CCDC154: variants seen among roughly 807,000 people sequenced by gnomAD.
The protein encoded by CCDC154 is coiled-coil domain containing 154.
Under a neutral mutation model 87.5 loss-of-function variants are expected in CCDC154, and 91 were observed. The observed-to-expected ratio is 1.04, with a 90% CI of 0.88 to 1.24. CCDC154 has a LOEUF of 1.24. Ranked by LOEUF, CCDC154 falls within the 50% of genes most tolerant of loss-of-function variation. The pLI, the probability that CCDC154 is intolerant of heterozygous loss-of-function variation, is 0.00. For missense variants in CCDC154, 903 were observed against 879.2 expected, an observed-to-expected ratio of 1.03 and a Z score of -0.34; for synonymous variants, 418 against 400.4, an observed-to-expected ratio of 1.04 and a Z score of -0.52.
chr16:1,444,100 C>G, intron 1 of CCDC154, 88 bp from the exon 2 acceptor site: 1 of 1,104,612 alleles, frequency 9.1e-7, no homozygotes, highest in Non-Finnish European at 1.2e-6. Flanking sequence ...CCCGCAGGAC[C>G]CTCGCCCACC....
At chr16:1,440,992 G>A (rs1408119707) in intron 6 of CCDC154, among the ~76,000 whole-genome samples, 4 of 151,182 alleles carry the variant, frequency 2.6e-5, no homozygotes, top group Non-Finnish European at 5.9e-5. Context: ...GGTGGCATGC[G>A]CCCGCAGTCA....
chr16:1,436,435 G>C lies in CCDC154; in HGVS notation c.1487+10C>G. The C allele has an allele frequency of 1.3e-6, 2 of 1,547,046 alleles. No individual in the cohort carries two copies. Among genetic ancestry groups the C allele is most frequent in the South Asian group, 1.2e-5 (1 of 84,048 alleles). On this transcript the variant is annotated intron_variant, in intron 13 of 16. Coordinates refer to ENST00000389176, the MANE Select transcript of CCDC154 (RefSeq NM_001143980.3). The stretch of plus-strand genomic sequence containing the variant: ...GCCCCTGCCCCTCTCCCAGGGCCTG[G>C]AGGCTGTACCTGGCCTTGCCTTCGG...
intron 6 of CCDC154, chr16:1,439,364 G>A (rs1175937391): frequency 7.1e-6 from 4 of 563,062 alleles, no homozygotes; most frequent in Non-Finnish European, 1.3e-5. Context: ...CGCTCAGGTG[G>A]GGTCCAGACA....
intron 6 of CCDC154, among the ~76,000 whole-genome samples, chr16:1,440,323 G>C (rs2038539445): frequency 6.6e-6 from 1 of 151,770 alleles, no homozygotes; most frequent in Admixed American, 6.6e-5. Context: ...GGTGATGCGT[G>C]CCTGTAGTCC....
In CCDC154 at chr16:1,435,168, T is replaced by C; in HGVS notation, c.1613A>G (p.Asn538Ser). The C allele has an allele frequency of 6.4e-7, 1 of 1,550,550 alleles. No individual in the cohort carries two copies. Among genetic ancestry groups the C allele is most frequent in the Admixed American group, 2.0e-5 (1 of 51,010 alleles). The part of the protein sequence containing the change: ...EMQGKLATFQ[N>S]QIMKLENCVQ... ...GCAGTTTTCCAGCTTCATTATTTGG[T>C]TCTGAAACTAAACATGGCCCCCATT... is the stretch of plus-strand genomic sequence containing the variant. Residue 538 changes from asparagine (N) to serine (S), a missense_variant, in exon 15 of 17, where the codon AAC (asparagine) becomes AGC (serine). Physicochemically the swap from Asn to Ser is conservative, Grantham distance 46. Transcript: ENST00000389176.
In CCDC154 at chr16:1,438,145, C is replaced by T. The variant is rs1232236365; in HGVS notation, c.1057G>A (p.Ala353Thr). The change falls in exon 10 of 17, where the codon GCT (alanine) becomes ACT (threonine). Residue 353 changes from alanine (A) to threonine (T), a missense_variant. Transcript: ENST00000389176. ...DAKGRLEESR[A>T]GELAAYVQEN... is the part of the protein sequence containing the mutation. ...TGCACATAGGCGGCCAGCTCCCCAG[C>T]CCGGCTTTCCTCCAAGCGCCCCTTG... 4.5e-6 allele frequency: 7 copies of T among 1,546,678 alleles called. No individual in the cohort carries two copies. The highest frequency in any genetic ancestry group is 1.4e-5 in the African/African-American group (1 of 72,996).
At chr16:1,434,931 C>T (rs572423950) in intron 15 of CCDC154, 79 bp from the exon 16 acceptor site, 98 of 1,438,944 alleles carry the variant, frequency 6.8e-5, no homozygotes, top group Non-Finnish European at 7.9e-5. Context: ...TATCTCCCAC[C>T]GGGAGCCTGG....
rs565271689 is a variant in CCDC154, at chr16:1,434,490, C to T, written c.1922G>A (p.Arg641Gln). 72 of 1,549,876 alleles carry T rather than the reference C, an allele frequency of 4.6e-5. No homozygotes were observed. The Middle Eastern group carries it at 5.1e-4, about 11-fold the overall frequency. The change falls in exon 17 of 17, where the codon CGG (arginine) becomes CAG (glutamine). Residue 641 changes from arginine (R) to glutamine (Q), a missense_variant. Coordinates refer to ENST00000389176, the MANE Select transcript of CCDC154 (RefSeq NM_001143980.3). ...CTTCTCCAGGACCCCTCCTGGCCTC[C>T]GCAGGGCCCTGAGCTTTATGAGGGA... Reference protein sequence around the residue: ...KASLIKLRALRRPGGVLEKPH... With the variant: ...KASLIKLRALQRPGGVLEKPH...
rs1029591230 is a variant in CCDC154 at position 1,438,173 on chromosome 16, G to A, written c.1029C>T (p.Asp343=). The part of the protein sequence containing the change: ...RVLLAEEKAW[D]AKGRLEESRA... Reference sequence around the variant, plus strand: ...GGCTTTCCTCCAAGCGCCCCTTGGCGTCCCTAGGGGTTGGGGACACATAGA... The same window carrying A: ...GGCTTTCCTCCAAGCGCCCCTTGGCATCCCTAGGGGTTGGGGACACATAGA... Residue 343 remains aspartate (D), a synonymous_variant, in exon 10 of 17, where the codon GAC becomes GAT. Coordinates refer to ENST00000389176, the MANE Select transcript of CCDC154 (RefSeq NM_001143980.3). 41 of 1,537,636 alleles carry A rather than the reference G, an allele frequency of 2.7e-5. 1 individual carries two copies. Among genetic ancestry groups the A allele is most frequent in the South Asian group, 4.9e-5 (4 of 82,354 alleles).
intron 12 of CCDC154, 49 bp from the exon 13 acceptor site, chr16:1,436,570 A>T: frequency 6.5e-7 from 1 of 1,546,080 alleles, no homozygotes; most frequent in Non-Finnish European, 8.7e-7. Context: ...GCCATCTAGG[A>T]CCAGCCTTGG....
chr16:1,438,680 T>G lies in CCDC154; in HGVS notation c.964A>C (p.Lys322Gln), dbSNP rs1162135741. The part of the protein sequence containing the change: ...GLDAAVAQLT[K>Q]FVQQNQASLN... ...GACGCCTGGTTCTGCTGCACAAACT[T>G]GGTCAGCTGGGCCACGGCAGCATCC... The change falls in exon 9 of 17, where the codon AAG becomes CAG. Residue 322 changes from lysine to glutamine, a missense_variant. Transcript: ENST00000389176. The G allele has an allele frequency of 6.5e-7, 1 of 1,550,062 alleles. No individual in the cohort carries two copies. The highest frequency in any genetic ancestry group is 1.2e-5 in the South Asian group (1 of 84,062).
chr16:1,434,553 C>A lies in CCDC154; in HGVS notation c.1878-19G>T, dbSNP rs1265570681. On this transcript the variant is annotated intron_variant, in intron 16 of 16. Coordinates refer to ENST00000389176, the MANE Select transcript of CCDC154 (RefSeq NM_001143980.3). ...CAGCCACCTGTCCAGAGATGCGGCA[C>A]ATGGCCCCTGCACCCCCGCCCCACC... is the stretch of plus-strand genomic sequence containing the variant. 1 of 1,536,776 alleles carries A rather than the reference C, an allele frequency of 6.5e-7. No homozygotes were observed. The highest frequency in any genetic ancestry group is 8.8e-7 in the Non-Finnish European group (1 of 1,141,484).
At chr16:1,438,439 G>T in intron 9 of CCDC154, 180 bp downstream of exon 9, 1 of 726,992 alleles carries the variant, frequency 1.4e-6, no homozygotes, top group Non-Finnish European at 2.2e-6. Flanking sequence ...CTGGGTGAGG[G>T]ACAGGAGGCC....
At position 1,443,609 on chromosome 16, in the gene CCDC154, A is replaced by G. The variant is rs867422779; in HGVS notation, c.311T>C (p.Leu104Pro). ...ERATRSLLRE[L>P]LQVRARVQLQ... ...CTGCACGCGGGCCCGCACCTGGAGC[A>G]GCTCCCGCAGCAGGCTCCGCGTGGC... is the stretch of plus-strand genomic sequence containing the variant. The change falls in exon 3 of 17, where the codon CTG becomes CCG. Residue 104 changes from leucine to proline, a missense_variant. Coordinates refer to ENST00000389176, the MANE Select transcript of CCDC154 (RefSeq NM_001143980.3). 9.1e-6 allele frequency: 13 copies of G among 1,429,916 alleles called. No homozygotes were observed. The Middle Eastern group carries it at 1.5e-3, about 160-fold the overall frequency. 88.6% of individuals were successfully genotyped at this position (1,429,916 alleles called of 1,614,324 possible).
At position 1,436,691 on chromosome 16, in the gene CCDC154, C is replaced by G. The variant is rs2038505113; in HGVS notation, c.1410+1G>C. The G allele has an allele frequency of 6.5e-7, 1 of 1,550,036 alleles. No homozygotes were observed. Among genetic ancestry groups the G allele is most frequent in the South Asian group, 1.2e-5 (1 of 84,062 alleles). ...CCAAGGCTGGCTGTGCCTTCGCCCA[C>G]CTGCTGGGGGAGGCCATCCACCTTC... is the stretch of plus-strand genomic sequence containing the variant. On this transcript the variant is annotated splice_donor_variant, in intron 12 of 16. Transcript: ENST00000389176. LOFTEE classifies it high-confidence loss of function.
Position 1,436,425 on chromosome 16 carries a change from C to A in CCDC154, c.1487+20G>T, listed in dbSNP as rs1440102957. ...GGTCAGCAGAGCCCCTGCCCCTCTCCCAGGGCCTGGAGGCTGTACCTGGCC... is the reference window on the plus strand; with the variant it reads ...GGTCAGCAGAGCCCCTGCCCCTCTCACAGGGCCTGGAGGCTGTACCTGGCC... On this transcript the variant is annotated intron_variant, in intron 13 of 16. Coordinates refer to ENST00000389176, the MANE Select transcript of CCDC154 (RefSeq NM_001143980.3). 1 of 1,540,854 alleles carries A rather than the reference C, an allele frequency of 6.5e-7. No individual in the cohort carries two copies. Among genetic ancestry groups the A allele is most frequent in the African/African-American group, 1.4e-5 (1 of 73,092 alleles).
chr16:1,442,766 C>A, intron 5 of CCDC154, 114 bp downstream of exon 5: 2 of 1,177,712 alleles, frequency 1.7e-6, no homozygotes, highest in African/African-American at 1.5e-5. Context: ...GAGGGCGGTG[C>A]CCCGCCGGGT....
chr16:1,440,210 G>C (rs1265240855), intron 6 of CCDC154, among the ~76,000 whole-genome samples: 3 of 150,536 alleles, frequency 2.0e-5, no homozygotes, highest in Non-Finnish European at 4.4e-5. Context: ...AACACTTTGG[G>C]AGGCCGAGGT....
intron 14 of CCDC154, 115 bp downstream of exon 14, chr16:1,435,854 T>G: frequency 1.1e-6 from 1 of 894,660 alleles, no homozygotes; most frequent in South Asian, 1.6e-5. Flanking sequence ...GAGCGTCTCC[T>G]GCTGGCTGGA....
Sources: gnomAD v4.1 joint callset for allele counts (sites outside exome capture counted in the v4.1 genomes callset) on GRCh38, gnomAD v4.1.1 for gene constraint, MANE v1.5 for transcripts, NCBI Gene and HGNC (gene_info 2026-07-23, HGNC 2026-07-21) for gene names.